MAPK10: variants seen among roughly 807,000 people sequenced by gnomAD.
MAPK10 encodes the protein mitogen-activated protein kinase 10.
In MAPK10, 25 loss-of-function variants were observed where a neutral mutation model predicts 59.3. The ratio of observed to expected loss-of-function variants is 0.42; its 90% CI spans 0.31 to 0.59. The LOEUF (loss-of-function observed/expected upper bound fraction) is 0.59, where lower values mean the gene tolerates loss of function less well. MAPK10 is among the 20% of genes least tolerant of loss of function. MAPK10 has a pLI of 0.15. For synonymous variants in MAPK10, 190 were observed against 200.5 expected, an observed-to-expected ratio of 0.95 and a Z score of 0.44; for missense variants, 351 against 568.9, an observed-to-expected ratio of 0.62 and a Z score of 3.90.
chr4:86,079,356 G>A (rs1029250722), intron 9 of MAPK10: 2 of 152,174 alleles, frequency 1.3e-5, no homozygotes, highest in Non-Finnish European at 2.9e-5. Flanking sequence ...GGAGAGACAT[G>A]TAACATATAT....
chr4:86,336,550 G>A (rs1450185671), intron 2 of MAPK10: 4 of 152,142 alleles, frequency 2.6e-5, no homozygotes, highest in African/African-American at 9.7e-5. Context: ...GAGAATACAA[G>A]CCTAGGACAT....
At chr4:86,162,334 G>C (rs1168560688) in intron 3 of MAPK10, among the ~76,000 whole-genome samples, 4 of 151,860 alleles carry the variant, frequency 2.6e-5, no homozygotes, top group Non-Finnish European at 5.9e-5. Flanking sequence ...TGTATTCCAG[G>C]AGGTAAAGGA....
intron 2 of MAPK10, among the ~76,000 whole-genome samples, chr4:86,195,633 A>G (rs2081115184): frequency 6.6e-6 from 1 of 152,230 alleles, no homozygotes; most frequent in African/African-American, 2.4e-5. Flanking sequence ...CAGGTTTGTT[A>G]CATAGGTATA....
chr4:86,459,332 G>GA (rs772417339), intron 1 of MAPK10, among the ~76,000 whole-genome samples: 2 of 152,208 alleles, frequency 1.3e-5, no homozygotes, highest in East Asian at 3.9e-4. Flanking sequence ...AAACCACTAT[G>GA]AAAAAAAGTG....
At position 86,252,342 on chromosome 4, in the gene MAPK10, T is replaced by C. The variant is rs1441772768; in HGVS notation, c.-6-57935A>G. Among the ~76,000 whole-genome samples the C allele has an allele frequency of 4.5e-4, 50 of 111,922 alleles. 4 individuals are homozygous for C. Among genetic ancestry groups the C allele is most frequent in the African/African-American group, 2.8e-3 (49 of 17,572 alleles). 73.4% of individuals were successfully genotyped at this position (111,922 alleles called of 152,430 possible). A position where few individuals can be genotyped will look rare whatever the true frequency, so the allele number is the denominator to read the frequency against. ...AAATCTTTAATCCATCTTGAATTGA[T>C]TTTTGTATAAGGTGTAAGGAAGGGA... On this transcript the variant is annotated intron_variant, in intron 2 of 13. Transcript: ENST00000641462.
intron 2 of MAPK10, among the ~76,000 whole-genome samples, chr4:86,343,737 T>G (rs1034751219): frequency 6.6e-6 from 1 of 152,176 alleles, no homozygotes; most frequent in Non-Finnish European, 1.5e-5. Flanking sequence ...GGTGACTTGA[T>G]GTATAGTATA....
intron 4 of MAPK10, among the ~76,000 whole-genome samples, chr4:86,122,334 CA>C (rs1260202446): frequency 2.6e-5 from 4 of 152,134 alleles, no homozygotes; most frequent in Non-Finnish European, 5.9e-5. Flanking sequence ...AGAAAGTCAA[CA>C]AGCAAAATTC....
intron 1 of MAPK10, among the ~76,000 whole-genome samples, chr4:86,419,799 G>C (rs1333092195): frequency 6.6e-6 from 1 of 152,114 alleles, no homozygotes; most frequent in African/African-American, 2.4e-5. Context: ...AGTGGCACCA[G>C]CTAATATCCA....
intron 1 of MAPK10, among the ~76,000 whole-genome samples, chr4:86,545,280 C>T (rs1759055297): frequency 6.6e-6 from 1 of 152,152 alleles, no homozygotes; most frequent in East Asian, 1.9e-4. Flanking sequence ...GAAGAATGAG[C>T]GCATGAAAAA....
chr4:86,437,650 T>A (rs1748923962), intron 1 of MAPK10, among the ~76,000 whole-genome samples: 1 of 152,210 alleles, frequency 6.6e-6, no homozygotes, highest in Non-Finnish European at 1.5e-5. Flanking sequence ...ACACAGCTGC[T>A]GAAAGTATAA....
intron 11 of MAPK10, among the ~76,000 whole-genome samples, chr4:86,049,200 A>G (rs182790099): frequency 1.3e-5 from 2 of 152,200 alleles, no homozygotes; most frequent in East Asian, 3.9e-4. Context: ...CACATGAAGA[A>G]TCATTGCTTT....
chr4:86,037,698 G>T (rs1021445059), intron 11 of MAPK10, among the ~76,000 whole-genome samples: 4 of 152,138 alleles, frequency 2.6e-5, no homozygotes, highest in African/African-American at 9.7e-5. Flanking sequence ...GTAAAAGAAA[G>T]TTCAGAGATT....
At chr4:86,507,423 T>C (rs1343931819) in intron 1 of MAPK10, among the ~76,000 whole-genome samples, 1 of 151,118 alleles carries the variant, frequency 6.6e-6, no homozygotes, top group Non-Finnish European at 1.5e-5. Context: ...CAATAATCAT[T>C]ATCCACCAAA....
chr4:86,123,054 G>A (rs1468507387), intron 4 of MAPK10, among the ~76,000 whole-genome samples: 1 of 151,864 alleles, frequency 6.6e-6, no homozygotes, highest in Non-Finnish European at 1.5e-5. Context: ...AGTTTATTCT[G>A]GTGCAAAAAA....
chr4:86,098,748 A>G, intron 8 of MAPK10, 153 bp from the exon 9 acceptor site: 1 of 642,892 alleles, frequency 1.6e-6, no homozygotes, highest in Non-Finnish European at 2.8e-6. Flanking sequence ...AATTCAAACC[A>G]GCGCTATGCT....
intron 2 of MAPK10, among the ~76,000 whole-genome samples, chr4:86,246,672 G>C (rs953383615): frequency 1.3e-5 from 2 of 152,116 alleles, no homozygotes; most frequent in African/African-American, 4.8e-5. Context: ...TCATGAGGTA[G>C]GTCCTGTTAC....
intron 2 of MAPK10, among the ~76,000 whole-genome samples, chr4:86,289,202 G>A (rs189540544): frequency 1.4e-3 from 209 of 152,270 alleles, no homozygotes; most frequent in Non-Finnish European, 2.4e-3. Context: ...CCTGAGGCAG[G>A]AGATGCTCGG....
At chr4:86,305,641 A>G (rs1189777144) in intron 2 of MAPK10, among the ~76,000 whole-genome samples, 1 of 152,142 alleles carries the variant, frequency 6.6e-6, no homozygotes, top group African/African-American at 2.4e-5. Context: ...CAACATGGCA[A>G]AACCCTGTCT....
chr4:86,250,541 C>T (rs139335062), intron 2 of MAPK10, among the ~76,000 whole-genome samples: 88 of 152,226 alleles, frequency 5.8e-4, no homozygotes, highest in African/African-American at 1.9e-3. Flanking sequence ...AAGGAGGCAA[C>T]ATCTATCCAA....
Sources: allele counts gnomAD v4.1 joint callset (sites outside exome capture counted in the v4.1 genomes callset), GRCh38; gene constraint gnomAD v4.1.1; transcripts MANE v1.5; gene names NCBI Gene and HGNC (gene_info 2026-07-23, HGNC 2026-07-21).